PTPRD: variants seen among roughly 807,000 people sequenced by gnomAD.
PTPRD encodes the protein protein tyrosine phosphatase receptor type D.
Under a neutral mutation model 214.5 loss-of-function variants are expected in PTPRD, and 34 were observed. The ratio of observed to expected loss-of-function variants is 0.16; its 90% CI spans 0.12 to 0.21. The LOEUF (loss-of-function observed/expected upper bound fraction) is 0.21. PTPRD is among the 10% of genes least tolerant of loss of function. The pLI is 1.00. For synonymous variants in PTPRD, 1,128 were observed against 845.7 expected (o/e 1.33, Z -5.79); for missense variants, 2,545 against 2,398.7 (o/e 1.06, Z -1.27).
chr9:9,077,049 T>C (rs2099752252), intron 10 of PTPRD, among the ~76,000 whole-genome samples: 1 of 152,052 alleles, frequency 6.6e-6, no homozygotes, highest in African/African-American at 2.4e-5. Context: ...TCTCTGATGG[T>C]CAATGATGTT....
In PTPRD at chr9:10,027,384, A is replaced by G. The variant is rs376703115; in HGVS notation, c.-472+6334T>C. Among the ~76,000 whole-genome samples, 72 of 152,324 alleles carry G rather than the reference A, an allele frequency of 4.7e-4. 1 individual carries two copies. In the South Asian group the frequency reaches 0.014, roughly 31 times the overall value. On this transcript the variant is annotated intron_variant, in intron 4 of 45. Transcript: ENST00000381196. ...ACCTTTTCCAAGCTGTCAGGGAAAC[A>G]AAGATTCCCTAGTTCACAAACATGG...
intron 5 of PTPRD, among the ~76,000 whole-genome samples, chr9:9,905,460 T>C (rs1457036590): frequency 6.6e-6 from 1 of 151,998 alleles, no homozygotes; most frequent in Non-Finnish European, 1.5e-5. Flanking sequence ...ACAAGGTTTA[T>C]GGCTACATAC....
intron 2 of PTPRD, among the ~76,000 whole-genome samples, chr9:10,357,711 G>A (rs1480468531): frequency 1.3e-5 from 2 of 152,204 alleles, no homozygotes; most frequent in Non-Finnish European, 2.9e-5. Context: ...CTACTCCATA[G>A]GCAGAGCAGC....
intron 2 of PTPRD, among the ~76,000 whole-genome samples, chr9:10,557,761 G>A (rs2062943039): frequency 6.6e-6 from 1 of 152,146 alleles, no homozygotes; most frequent in Non-Finnish European, 1.5e-5. Context: ...TCCTCGGGAA[G>A]GGCTAAGGAG....
intron 8 of PTPRD, among the ~76,000 whole-genome samples, chr9:9,468,097 C>A (rs1264363190): frequency 6.6e-6 from 1 of 152,050 alleles, no homozygotes; most frequent in Non-Finnish European, 1.5e-5. Flanking sequence ...GTAGAACTTA[C>A]TCCTACTAGA....
At chr9:10,318,585 C>T (rs376169614) in intron 3 of PTPRD, among the ~76,000 whole-genome samples, 2 of 152,046 alleles carry the variant, frequency 1.3e-5, no homozygotes, top group East Asian at 3.9e-4. Context: ...ACATTGGAGT[C>T]CACAGAAGGG....
At chr9:8,524,758 C>T (rs542399271) in intron 18 of PTPRD, 167 bp downstream of exon 18, 18 of 757,430 alleles carry the variant, frequency 2.4e-5, no homozygotes, top group African/African-American at 2.0e-4. Context: ...TGGAGTTAAA[C>T]AACACATTTT....
chr9:9,021,523 T>G (rs755262384), intron 10 of PTPRD, among the ~76,000 whole-genome samples: 15 of 152,160 alleles, frequency 9.9e-5, no homozygotes, highest in Non-Finnish European at 2.2e-4. Context: ...CTTCATGTCA[T>G]TATTTTAGAG....
At chr9:9,246,124 T>A (rs950952292) in intron 9 of PTPRD, among the ~76,000 whole-genome samples, 1 of 152,074 alleles carries the variant, frequency 6.6e-6, no homozygotes, top group Non-Finnish European at 1.5e-5. Context: ...ACTTTCAACA[T>A]AAATATGATA....
At chr9:9,476,946 G>T (rs1446415546) in intron 8 of PTPRD, among the ~76,000 whole-genome samples, 2 of 151,912 alleles carry the variant, frequency 1.3e-5, no homozygotes, top group Non-Finnish European at 2.9e-5. Flanking sequence ...TGTTAGTCAG[G>T]GTAGTCTCGA....
chr9:10,576,654 T>C (rs990926713), intron 2 of PTPRD, among the ~76,000 whole-genome samples: 1 of 135,524 alleles, frequency 7.4e-6, no homozygotes, highest in African/African-American at 2.9e-5. Flanking sequence ...AAACTTAAAA[T>C]AACCATGTTG....
At position 9,928,757 on chromosome 9, in the gene PTPRD, T is replaced by TACACACACACACACACACACACAC. The variant is rs60820386; in HGVS notation, c.-368+9726_-368+9749dup. Among the ~76,000 whole-genome samples, 99 of 147,220 alleles carry TACACACACACACACACACACACAC rather than the reference T, an allele frequency of 6.7e-4. 1 individual carries two copies. Among genetic ancestry groups the TACACACACACACACACACACACAC allele is most frequent in the Middle Eastern group, 3.5e-3 (1 of 288 alleles). ...ACAGTAGCAGTCATCTCTCTCTCTATACACACACACACACACACACACACA... is the reference window on the plus strand; with the variant it reads ...ACAGTAGCAGTCATCTCTCTCTCTATACACACACACACACACACACACACACACACACACACACACACACACACA... On this transcript the variant is annotated intron_variant, in intron 5 of 45. Coordinates refer to ENST00000381196, the MANE Select transcript of PTPRD (RefSeq NM_002839.4).
At chr9:8,336,488 ACC>A (rs1846864392) in intron 43 of PTPRD, among the ~76,000 whole-genome samples, 2 of 149,708 alleles carry the variant, frequency 1.3e-5, no homozygotes, top group Admixed American at 6.6e-5. Flanking sequence ...AATGATGAAA[ACC>A]CCTAGAAGAA....
intron 5 of PTPRD, among the ~76,000 whole-genome samples, chr9:9,919,801 T>A (rs1016208312): frequency 1.3e-5 from 2 of 152,158 alleles, no homozygotes; most frequent in Non-Finnish European, 2.9e-5. Context: ...CAGTCTTCGT[T>A]ACTGCAGCAT....
chr9:9,417,004 T>A (rs534400953), intron 8 of PTPRD, among the ~76,000 whole-genome samples: 1 of 152,240 alleles, frequency 6.6e-6, no homozygotes, highest in African/African-American at 2.4e-5. Context: ...GTATACCAAG[T>A]AAGATCAGTG....
chr9:9,379,711 G>A (rs1004482676), intron 9 of PTPRD, among the ~76,000 whole-genome samples: 1 of 151,796 alleles, frequency 6.6e-6, no homozygotes, highest in Admixed American at 6.6e-5. Context: ...GACTTCTTTT[G>A]TTATAGTTTT....
At chr9:10,259,181 C>T (rs569685151) in intron 3 of PTPRD, among the ~76,000 whole-genome samples, 42 of 147,942 alleles carry the variant, frequency 2.8e-4, no homozygotes, top group African/African-American at 1.0e-3. Flanking sequence ...TGCCACCACG[C>T]CCGGCTAATT....
intron 2 of PTPRD, among the ~76,000 whole-genome samples, chr9:10,423,225 T>C (rs1447119757): frequency 6.6e-6 from 1 of 152,014 alleles, no homozygotes; most frequent in Non-Finnish European, 1.5e-5. Context: ...AAGCACCGCA[T>C]GTTCTCACTC....
chr9:8,373,175 T>A (rs921811686), intron 39 of PTPRD, among the ~76,000 whole-genome samples: 2 of 151,990 alleles, frequency 1.3e-5, no homozygotes, highest in African/African-American at 4.8e-5. Context: ...GCTACACGGA[T>A]AACTGTCATT....
Sources: allele counts gnomAD v4.1 joint callset (sites outside exome capture counted in the v4.1 genomes callset), GRCh38; gene constraint gnomAD v4.1.1; transcripts MANE v1.5; gene names NCBI Gene and HGNC (gene_info 2026-07-23, HGNC 2026-07-21).